The following TEAD1 variants were observed in gnomAD, a reference collection of about 807,000 sequenced individuals.
The protein encoded by TEAD1 is TEA domain transcription factor 1, also known as transcriptional enhancer factor TEF-1.
A neutral mutation model predicts 54.9 loss-of-function variants in TEAD1; 9 were observed. That is an observed-to-expected ratio of 0.16 (90% CI 0.10 to 0.29). The LOEUF is 0.29. TEAD1 is among the 10% of genes least tolerant of loss of function. TEAD1 has a pLI of 1.00. For missense variants in TEAD1, 387 were observed against 535.9 expected, an observed-to-expected ratio of 0.72 and a Z score of 2.74; for synonymous variants, 200 against 187.8, an observed-to-expected ratio of 1.07 and a Z score of -0.53.
intron 10 of TEAD1, among the ~76,000 whole-genome samples, chr11:12,911,021 A>G (rs77307638): frequency 6.6e-6 from 1 of 152,334 alleles, no homozygotes; most frequent in South Asian, 2.1e-4. Flanking sequence ...TGCTGGGATT[A>G]CAGGCGTGAG....
At chr11:12,863,536 CAAAGTT>C (rs773112800) in intron 4 of TEAD1, among the ~76,000 whole-genome samples, 9 of 152,112 alleles carry the variant, frequency 5.9e-5, no homozygotes, top group Non-Finnish European at 1.2e-4. Flanking sequence ...AGCTCAAAGA[CAAAGTT>C]AAAGATAAAA....
chr11:12,831,372 C>T (rs1213897960), intron 3 of TEAD1, among the ~76,000 whole-genome samples: 2 of 152,148 alleles, frequency 1.3e-5, no homozygotes, highest in African/African-American at 2.4e-5. Context: ...CTTAGATCTG[C>T]CTTGTTTGCC....
At chr11:12,786,237 A>G (rs561162606) in intron 3 of TEAD1, among the ~76,000 whole-genome samples, 1 of 152,322 alleles carries the variant, frequency 6.6e-6, no homozygotes, top group East Asian at 1.9e-4. Context: ...GTGGAGATGA[A>G]TGCTCTGCCT....
intron 3 of TEAD1, among the ~76,000 whole-genome samples, chr11:12,801,627 T>C: frequency 6.6e-6 from 1 of 152,194 alleles, no homozygotes; most frequent in East Asian, 1.9e-4. Flanking sequence ...GGAGCCTTGG[T>C]TTGAACCTGA....
intron 2 of TEAD1, among the ~76,000 whole-genome samples, chr11:12,703,533 C>G (rs1943747266): frequency 6.6e-6 from 1 of 152,200 alleles, no homozygotes; most frequent in South Asian, 2.1e-4. Flanking sequence ...CCCTCCTTTA[C>G]CTGGAGGGAT....
chr11:12,924,038 A>G (rs1002796961), intron 10 of TEAD1, among the ~76,000 whole-genome samples: 6 of 152,142 alleles, frequency 3.9e-5, no homozygotes, highest in African/African-American at 1.4e-4. Flanking sequence ...GGGAGTATCC[A>G]TTTCCTACAA....
chr11:12,817,219 G>A (rs528823783), intron 3 of TEAD1, among the ~76,000 whole-genome samples: 2 of 152,220 alleles, frequency 1.3e-5, no homozygotes, highest in East Asian at 1.9e-4. Context: ...TAATGTTCTT[G>A]GAATAAAGGC....
chr11:12,862,269 C>T lies in TEAD1; in HGVS notation c.222C>T (p.Ala74=). ...TTTCAGGTAGGAATGAATTGATAGC[C>T]AGATACATCAAACTCAGGACAGGCA... Residue 74 remains alanine (A), a synonymous_variant, in exon 4 of 13, where the codon GCC becomes GCT. Coordinates refer to ENST00000527636, the MANE Select transcript of TEAD1 (RefSeq NM_021961.6). 6.2e-7 allele frequency: 1 copy of T among 1,613,792 alleles called. No individual in the cohort carries two copies. Among genetic ancestry groups the T allele is most frequent in the Non-Finnish European group, 8.5e-7 (1 of 1,179,900 alleles).
At chr11:12,778,425 T>C (rs1035141151) in intron 3 of TEAD1, among the ~76,000 whole-genome samples, 1 of 152,048 alleles carries the variant, frequency 6.6e-6, no homozygotes, top group African/African-American at 2.4e-5. Context: ...CACTCCATCC[T>C]CTCTGAAGCC....
chr11:12,934,436 A>T (rs1366517510), intron 12 of TEAD1, among the ~76,000 whole-genome samples: 3 of 152,164 alleles, frequency 2.0e-5, no homozygotes, highest in Non-Finnish European at 2.9e-5. Context: ...ATAATACCTA[A>T]TGTTAAATGA....
chr11:12,836,781 A>G (rs1946901602), intron 3 of TEAD1, among the ~76,000 whole-genome samples: 1 of 152,220 alleles, frequency 6.6e-6, no homozygotes, highest in African/African-American at 2.4e-5. Context: ...TATCTGCCTT[A>G]GAGGTTATTT....
rs1249712698 is a variant in TEAD1 at position 12,940,217 on chromosome 11, T to TAG, written c.*2995_*2996insAG. On this transcript the variant is annotated 3_prime_UTR_variant, in exon 13 of 13. Coordinates refer to ENST00000527636, the MANE Select transcript of TEAD1 (RefSeq NM_021961.6). ...GAACCCCAGAATGGCCCAAGTTACC[T>TAG]GAGACCAGGGTTTCTCAACCTTGAC... 1.1e-4 allele frequency: 17 copies of TAG among 152,262 alleles called. No homozygotes were observed. Among genetic ancestry groups the TAG allele is most frequent in the Non-Finnish European group, 2.1e-4 (14 of 68,066 alleles). 9.4% of individuals were successfully genotyped at this position (152,262 alleles called of 1,614,324 possible).
chr11:12,879,439 C>A, intron 5 of TEAD1: 1 of 613,276 alleles, frequency 1.6e-6, no homozygotes, highest in Non-Finnish European at 2.9e-6. Context: ...GTTGTCCACT[C>A]TTCTGAGAGG....
intron 9 of TEAD1, among the ~76,000 whole-genome samples, chr11:12,884,023 A>C (rs150825541): frequency 0.012 from 1,782 of 152,158 alleles, 17 homozygotes; most frequent in Middle Eastern, 0.075. Flanking sequence ...GAAGTAACAA[A>C]ATGGCACTTT....
At chr11:12,704,025 A>G (rs1439568376) in intron 2 of TEAD1, among the ~76,000 whole-genome samples, 1 of 152,204 alleles carries the variant, frequency 6.6e-6, no homozygotes, top group African/African-American at 2.4e-5. Context: ...TAGAACATGG[A>G]AAAAGTTATG....
chr11:12,738,599 A>G (rs1264549555), intron 2 of TEAD1, among the ~76,000 whole-genome samples: 1 of 152,118 alleles, frequency 6.6e-6, no homozygotes, highest in South Asian at 2.1e-4. Flanking sequence ...GTCCACATAT[A>G]GGATCTCCCT....
chr11:12,845,430 G>T (rs1436009342), intron 3 of TEAD1, among the ~76,000 whole-genome samples: 9 of 152,182 alleles, frequency 5.9e-5, no homozygotes, highest in Admixed American at 4.6e-4. Context: ...TGTTAGTCTA[G>T]CACAGGAGTT....
At chr11:12,745,470 A>G (rs61612229) in intron 2 of TEAD1, among the ~76,000 whole-genome samples, 2,670 of 152,132 alleles carry the variant, frequency 0.018, 65 homozygotes, top group African/African-American at 0.058. Context: ...TTTTTGATCA[A>G]TTTGATTGGG....
At chr11:12,859,106 T>A (rs997703933) in intron 3 of TEAD1, among the ~76,000 whole-genome samples, 2 of 152,232 alleles carry the variant, frequency 1.3e-5, no homozygotes, top group Non-Finnish European at 2.9e-5. Flanking sequence ...TGATTGTACT[T>A]CAGTCAAAGT....
Sources: allele counts gnomAD v4.1 joint callset (sites outside exome capture counted in the v4.1 genomes callset), GRCh38; gene constraint gnomAD v4.1.1; transcripts MANE v1.5; gene names NCBI Gene and HGNC (gene_info 2026-07-23, HGNC 2026-07-21).